Variants in AGAP1 observed in about 807,000 individuals in gnomAD.
AGAP1 encodes the protein ArfGAP with GTPase domain, ankyrin repeat and PH domain 1.
A neutral mutation model predicts 105.3 loss-of-function variants in AGAP1; 29 were observed. The observed-to-expected ratio is 0.28, with a 90% CI of 0.21 to 0.38. The LOEUF is 0.38. Among genes scored for constraint, AGAP1 ranks in the 10% least tolerant of loss-of-function variants. The probability of loss-of-function intolerance (pLI) is 1.00; values close to 1 mark genes in which losing one functional copy is unlikely to be tolerated. For missense variants in AGAP1, 998 were observed against 1,165.1 expected (o/e 0.86, Z 2.09); for synonymous variants, 509 against 485.9 (o/e 1.05, Z -0.63).
chr2:235,568,540 C>A (rs1489260687), intron 1 of AGAP1, among the ~76,000 whole-genome samples: 1 of 152,090 alleles, frequency 6.6e-6, no homozygotes, highest in Non-Finnish European at 1.5e-5. Flanking sequence ...AGAACCGAGA[C>A]CCAGACGGCA....
chr2:235,673,376 C>T (rs938415788), intron 1 of AGAP1, among the ~76,000 whole-genome samples: 4 of 152,266 alleles, frequency 2.6e-5, no homozygotes, highest in Admixed American at 2.6e-4. Context: ...TGTAAATGTC[C>T]ATAGGATGCA....
chr2:235,554,160 G>A (rs1364237532), intron 1 of AGAP1, among the ~76,000 whole-genome samples: 1 of 152,250 alleles, frequency 6.6e-6, no homozygotes, highest in African/African-American at 2.4e-5. Context: ...CTATAAGACA[G>A]CACATTAATT....
In AGAP1 at chr2:236,062,094, C is replaced by T. The variant is rs149113220; in HGVS notation, c.2114+12813C>T. The stretch of plus-strand genomic sequence containing the variant: ...TGCAGCCAAATTCCTGCCCTGCGGA[C>T]GGCCCACAGGGGAGCGAGAGCAGGT... On this transcript the variant is annotated intron_variant, in intron 16 of 17. Transcript: ENST00000304032. The surrounding 1 kb of genome is among the most constrained non-coding windows in gnomAD (Gnocchi z 4.2). 3.3e-5 allele frequency among the ~76,000 whole-genome samples: 5 copies of T among 152,186 alleles called. No homozygotes were observed. Among genetic ancestry groups the T allele is most frequent in the African/African-American group, 7.2e-5 (3 of 41,542 alleles).
At chr2:236,100,185 C>T (rs1204146666) in intron 16 of AGAP1, among the ~76,000 whole-genome samples, 1 of 152,172 alleles carries the variant, frequency 6.6e-6, no homozygotes, top group Non-Finnish European at 1.5e-5. Flanking sequence ...CTCCGTGCCC[C>T]TCTTCTAAGG....
intron 1 of AGAP1, among the ~76,000 whole-genome samples, chr2:235,499,408 T>C (rs1040596358): frequency 2.0e-5 from 3 of 152,228 alleles, no homozygotes; most frequent in Non-Finnish European, 4.4e-5. Context: ...ACAAACATTT[T>C]CTTCCTGCTG....
chr2:235,689,329 G>A lies in AGAP1; in HGVS notation c.164-19850G>A, dbSNP rs1234532267. On this transcript the variant is annotated intron_variant, in intron 1 of 17. Coordinates refer to ENST00000304032, the MANE Select transcript of AGAP1 (RefSeq NM_001037131.3). This position sits in a 1 kb window ranked among gnomAD's most constrained non-coding sequence, Gnocchi z 4.2. ...CACAAGTCACTGCACAGCTCACCAC[G>A]CGGGCCTGGAGTGAGCCTGCTGCTG... is the stretch of plus-strand genomic sequence containing the variant. 1.3e-5 allele frequency among the ~76,000 whole-genome samples: 2 copies of A among 152,222 alleles called. No homozygotes were observed. The highest frequency in any genetic ancestry group is 2.4e-5 in the African/African-American group (1 of 41,466).
intron 9 of AGAP1, among the ~76,000 whole-genome samples, chr2:235,848,640 T>C (rs1366623133): frequency 6.6e-6 from 1 of 152,344 alleles, no homozygotes; most frequent in East Asian, 1.9e-4. Context: ...CAGAGTACTT[T>C]TACATTTTCC....
At chr2:235,702,376 A>C (rs771454018) in intron 1 of AGAP1, among the ~76,000 whole-genome samples, 1 of 152,200 alleles carries the variant, frequency 6.6e-6, no homozygotes, top group Non-Finnish European at 1.5e-5. Flanking sequence ...ATCCCGAGGA[A>C]GGACGCAGTG....
intron 5 of AGAP1, among the ~76,000 whole-genome samples, chr2:235,746,598 T>A (rs1366346795): frequency 1.3e-5 from 2 of 151,934 alleles, no homozygotes; most frequent in Non-Finnish European, 2.9e-5. Flanking sequence ...TGAGGTGGCA[T>A]CTTGAAAATG....
intron 2 of AGAP1, among the ~76,000 whole-genome samples, chr2:235,713,403 G>A (rs1950947006): frequency 6.6e-6 from 1 of 152,212 alleles, no homozygotes; most frequent in Non-Finnish European, 1.5e-5. Flanking sequence ...GCCTGGCTCT[G>A]AGCCTTAGTA....
chr2:236,062,667 T>C lies in AGAP1; in HGVS notation c.2114+13386T>C, dbSNP rs1280332802. Among the ~76,000 whole-genome samples the C allele has an allele frequency of 2.0e-5, 3 of 151,882 alleles. No individual in the cohort carries two copies. The highest frequency in any genetic ancestry group is 4.4e-5 in the Non-Finnish European group (3 of 67,968). On this transcript the variant is annotated intron_variant, in intron 16 of 17. Transcript: ENST00000304032. The surrounding 1 kb of genome is among the most constrained non-coding windows in gnomAD (Gnocchi z 4.2). ...TTTTGTTTGTTTGTTTGTTTGTTTT[T>C]GTTTGTTTGTTTGAGATGGAATCTC...
At chr2:235,941,180 C>T (rs986232307) in intron 12 of AGAP1, among the ~76,000 whole-genome samples, 4 of 152,214 alleles carry the variant, frequency 2.6e-5, no homozygotes, top group African/African-American at 9.6e-5. Flanking sequence ...GCAGCAGTCT[C>T]AGCAACAGGT....
chr2:235,870,391 C>CTG (rs1382051567), intron 9 of AGAP1, among the ~76,000 whole-genome samples: 3 of 152,210 alleles, frequency 2.0e-5, no homozygotes, highest in African/African-American at 4.8e-5. Context: ...CTTTGGGAGG[C>CTG]TGAGGCAGGT....
At chr2:235,985,235 G>A (rs1013753047) in intron 13 of AGAP1, among the ~76,000 whole-genome samples, 1 of 152,108 alleles carries the variant, frequency 6.6e-6, no homozygotes, top group Non-Finnish European at 1.5e-5. Context: ...ATGTTTATTG[G>A]CTGCATAAAT....
chr2:236,065,047 A>G (rs1014696372), intron 16 of AGAP1, among the ~76,000 whole-genome samples: 3 of 152,240 alleles, frequency 2.0e-5, no homozygotes, highest in African/African-American at 7.2e-5. Flanking sequence ...CAAAGGCTCC[A>G]TGGAGCATCA....
intron 11 of AGAP1, among the ~76,000 whole-genome samples, chr2:235,928,367 G>T (rs1307569420): frequency 6.6e-6 from 1 of 152,198 alleles, no homozygotes; most frequent in Non-Finnish European, 1.5e-5. Flanking sequence ...GCAGGCACCA[G>T]GGCTGGCAGA....
At chr2:236,025,875 C>G (rs1239156917) in intron 13 of AGAP1, among the ~76,000 whole-genome samples, 2 of 81,078 alleles carry the variant, frequency 2.5e-5, no homozygotes, top group South Asian at 5.3e-4. Context: ...GCACTCCAGC[C>G]TGAGCGACAG....
At chr2:235,717,530 C>A in intron 2 of AGAP1, 27 bp from the exon 3 acceptor site, 1 of 1,573,460 alleles carries the variant, frequency 6.4e-7, no homozygotes, top group Non-Finnish European at 8.6e-7. Flanking sequence ...TTTGATGATG[C>A]TTAACGGTTG....
rs1273267312 is a variant in AGAP1, at chr2:236,090,853, C to T, written c.2115-29339C>T. The stretch of plus-strand genomic sequence containing the variant: ...CTCCCAGGTTCAAGCGATTCTCATG[C>T]CTCAGCCTCCTGAGTAGCTGGGATT... On this transcript the variant is annotated intron_variant, in intron 16 of 17. Coordinates refer to ENST00000304032, the MANE Select transcript of AGAP1 (RefSeq NM_001037131.3). The surrounding 1 kb of genome is among the most constrained non-coding windows in gnomAD (Gnocchi z 4.3). Among the ~76,000 whole-genome samples, 1 of 152,216 alleles carries T rather than the reference C, an allele frequency of 6.6e-6. No individual in the cohort carries two copies. Among genetic ancestry groups the T allele is most frequent in the Non-Finnish European group, 1.5e-5 (1 of 68,036 alleles).
Sources: allele counts gnomAD v4.1 joint callset (sites outside exome capture counted in the v4.1 genomes callset), GRCh38; gene constraint gnomAD v4.1.1; non-coding constraint Gnocchi (gnomAD v3.1); transcripts MANE v1.5; gene names NCBI Gene and HGNC (gene_info 2026-07-23, HGNC 2026-07-21).